B4GALT2: variants seen among roughly 807,000 people sequenced by gnomAD.
The protein encoded by B4GALT2 is beta-1,4-galactosyltransferase 2.
B4GALT2 carries 18 observed loss-of-function variants against 33.2 expected under a neutral mutation model. That is an observed-to-expected ratio of 0.54 (90% CI 0.38 to 0.80). The LOEUF is 0.80. Among genes scored for constraint, B4GALT2 ranks in the 30% least tolerant of loss-of-function variants. The probability of loss-of-function intolerance (pLI) is 0.00; values close to 1 mark genes in which losing one functional copy is unlikely to be tolerated. For synonymous variants in B4GALT2, 214 were observed against 217.6 expected, an observed-to-expected ratio of 0.98 and a Z score of 0.15; for missense variants, 404 against 526.2, an observed-to-expected ratio of 0.77 and a Z score of 2.27.
intron 3 of B4GALT2, among the ~76,000 whole-genome samples, chr1:43,983,120 C>G (rs951666147): frequency 6.6e-6 from 1 of 152,060 alleles, no homozygotes; most frequent in Non-Finnish European, 1.5e-5. Flanking sequence ...TCCTTTCTTG[C>G]GTGTGATGAG....
chr1:43,981,985 G>C lies in B4GALT2; in HGVS notation c.549+61G>C, dbSNP rs549805474. The C allele has an allele frequency of 6.5e-7, 1 of 1,534,798 alleles. No individual in the cohort carries two copies. The highest frequency in any genetic ancestry group is 1.4e-5 in the African/African-American group (1 of 73,174). Reference sequence around the variant, plus strand: ...TATATGTGGGTTGGGGGCGTTTGTGGGTCCTTGTCTGCCCGTGTGGATATG... The same window carrying C: ...TATATGTGGGTTGGGGGCGTTTGTGCGTCCTTGTCTGCCCGTGTGGATATG... On this transcript the variant is annotated intron_variant, in intron 3 of 6. Coordinates refer to ENST00000372324, the MANE Select transcript of B4GALT2 (RefSeq NM_003780.5). This position sits in a 1 kb window ranked among gnomAD's most constrained non-coding sequence, Gnocchi z 8.1.
chr1:43,984,762 C>G lies in B4GALT2; in HGVS notation c.550-103C>G. 1 of 1,231,074 alleles carries G rather than the reference C, an allele frequency of 8.1e-7. No individual in the cohort carries two copies. Among genetic ancestry groups the G allele is most frequent in the African/African-American group, 1.5e-5 (1 of 66,554 alleles). 76.3% of individuals were successfully genotyped at this position (1,231,074 alleles called of 1,614,324 possible). On this transcript the variant is annotated intron_variant, in intron 3 of 6. Transcript: ENST00000372324. The surrounding 1 kb of genome is among the most constrained non-coding windows in gnomAD (Gnocchi z 5.6). ...CTGAGAGCCTGGAGGAGCCATGCAGCGAGGGGGCTGGTAGATCCCCAGAGA... is the reference window on the plus strand; with the variant it reads ...CTGAGAGCCTGGAGGAGCCATGCAGGGAGGGGGCTGGTAGATCCCCAGAGA...
Position 43,981,480 on chromosome 1 carries a change from C to T in B4GALT2, c.313+7C>T, listed in dbSNP as rs745454373. Reference sequence around the variant, plus strand: ...GACTCGCCACCTGGTCTTGGTGAGCCTGGAGGGTAGGGCCTGCCTGTGGGG... The same window carrying T: ...GACTCGCCACCTGGTCTTGGTGAGCTTGGAGGGTAGGGCCTGCCTGTGGGG... On this transcript the variant is annotated splice_region_variant and intron_variant, in intron 2 of 6. Transcript: ENST00000372324. The surrounding 1 kb of genome is among the most constrained non-coding windows in gnomAD (Gnocchi z 8.1). 3 of 1,568,826 alleles carry T rather than the reference C, an allele frequency of 1.9e-6. No individual in the cohort carries two copies. The highest frequency in any genetic ancestry group is 2.6e-6 in the Non-Finnish European group (3 of 1,161,182).
chr1:43,985,436 G>A (rs535592648), intron 5 of B4GALT2, 36 bp downstream of exon 5: 79 of 773,508 alleles, frequency 1.0e-4, no homozygotes, highest in African/African-American at 6.8e-4. Context: ...GGCTGGGTGG[G>A]GGGGGGAGGG....
chr1:43,985,112 C>T (rs1225137274), intron 4 of B4GALT2, 57 bp downstream of exon 4: 5 of 1,594,838 alleles, frequency 3.1e-6, no homozygotes, highest in Admixed American at 1.7e-5. Flanking sequence ...GACGCAGGCC[C>T]ACTTCCAGCC....
At chr1:43,985,167 G>A (rs372929604) in intron 4 of B4GALT2, 111 bp from the exon 5 acceptor site, 668 of 1,563,644 alleles carry the variant, frequency 4.3e-4, no homozygotes, top group African/African-American at 2.5e-3. Context: ...CCCCACTGGC[G>A]AGGCTGGATC....
Position 43,985,065 on chromosome 1 carries a change from C to T in B4GALT2, c.740+10C>T, listed in dbSNP as rs2231283. ...ACAAGTTTGGCTTCCGGTGAGGGCT[C>T]TCTTCTCAGCTGGACCCAGCCCTCC... On this transcript the variant is annotated intron_variant, in intron 4 of 6. Transcript: ENST00000372324. 2.5e-6 allele frequency: 4 copies of T among 1,612,112 alleles called. No homozygotes were observed. The Admixed American group carries it at 6.7e-5, about 27-fold the overall frequency.
Position 43,984,611 on chromosome 1 carries a change from C to T in B4GALT2, c.550-254C>T, listed in dbSNP as rs559873298. Among the ~76,000 whole-genome samples, 7 of 152,316 alleles carry T rather than the reference C, an allele frequency of 4.6e-5. No homozygotes were observed. Among genetic ancestry groups the T allele is most frequent in the South Asian group, 2.1e-4 (1 of 4,832 alleles). On this transcript the variant is annotated intron_variant, in intron 3 of 6. Coordinates refer to ENST00000372324, the MANE Select transcript of B4GALT2 (RefSeq NM_003780.5). This position sits in a 1 kb window ranked among gnomAD's most constrained non-coding sequence, Gnocchi z 5.6. The stretch of plus-strand genomic sequence containing the variant: ...AGGCAAGGAAGAGTCTGGCATATTC[C>T]GGGGCTGCTGAGGGATGTTGTGTGG...
chr1:43,985,280 T>C lies in B4GALT2; in HGVS notation c.743T>C (p.Leu248Pro). 1 of 1,611,146 alleles carries C rather than the reference T, an allele frequency of 6.2e-7. No individual in the cohort carries two copies. Among genetic ancestry groups the C allele is most frequent in the Non-Finnish European group, 8.5e-7 (1 of 1,178,374 alleles). The stretch of plus-strand genomic sequence containing the variant: ...ACACCTGCCTTCCCATGCCACAGGC[T>C]TCCCTATGCTGGCTACTTTGGAGGT... ...AIAMDKFGFR[L>P]PYAGYFGGVS... The change falls in exon 5 of 7, where the codon CTT becomes CCT. Residue 248 changes from leucine (L) to proline (P), a missense_variant and splice_region_variant. Physicochemically the swap from Leu to Pro is moderately conservative, Grantham distance 98 (BLOSUM62 -3). Coordinates refer to ENST00000372324, the MANE Select transcript of B4GALT2 (RefSeq NM_003780.5).
chr1:43,982,057 G>A lies in B4GALT2; in HGVS notation c.549+133G>A, dbSNP rs1296583583. 1.2e-6 allele frequency: 1 copy of A among 838,360 alleles called. No homozygotes were observed. Among genetic ancestry groups the A allele is most frequent in the East Asian group, 2.7e-5 (1 of 37,620 alleles). 51.9% of individuals were successfully genotyped at this position (838,360 alleles called of 1,614,324 possible). On this transcript the variant is annotated intron_variant, in intron 3 of 6. Transcript: ENST00000372324. The surrounding 1 kb of genome is among the most constrained non-coding windows in gnomAD (Gnocchi z 4.3). ...AGTCGGTGTTTGTCAGTGTGCACAG[G>A]AATGTGTACGCACAGTGTGTGCATG...
intron 1 of B4GALT2, chr1:43,980,078 C>T: frequency 6.8e-7 from 1 of 1,470,634 alleles, no homozygotes; most frequent in Non-Finnish European, 9.0e-7. Flanking sequence ...TTACTGTCAC[C>T]CGGGTGTGTC....
intron 6 of B4GALT2, among the ~76,000 whole-genome samples, chr1:43,986,372 G>A (rs1175149077): frequency 6.6e-6 from 1 of 152,206 alleles, no homozygotes; most frequent in Non-Finnish European, 1.5e-5. Flanking sequence ...AAGAGGGACT[G>A]GTGATGGAAG....
In B4GALT2 at chr1:43,990,380, C is replaced by T. The variant is rs1312790665; in HGVS notation, c.1051C>T (p.Arg351Trp). 3.1e-6 allele frequency: 5 copies of T among 1,614,148 alleles called. No individual in the cohort carries two copies. The highest frequency in any genetic ancestry group is 2.5e-6 in the Non-Finnish European group (3 of 1,180,028). ...SVRYQVLEVS[R>W]QPLFTNITVD... is the part of the protein sequence containing the mutation. ...GCGGTACCAGGTCTTGGAGGTGTCTCGGCAACCACTCTTCACCAATATCAC... is the reference window on the plus strand; with the variant it reads ...GCGGTACCAGGTCTTGGAGGTGTCTTGGCAACCACTCTTCACCAATATCAC... Residue 351 changes from arginine (R) to tryptophan (W), a missense_variant, in exon 7 of 7, where the codon CGG becomes TGG. Transcript: ENST00000372324.
intron 1 of B4GALT2, chr1:43,980,732 T>A: frequency 2.5e-6 from 1 of 402,268 alleles, no homozygotes; most frequent in Non-Finnish European, 3.8e-6. Context: ...GGTCTATAGG[T>A]AAACATGTCT....
At position 43,981,291 on chromosome 1, in the gene B4GALT2, G is replaced by A. The variant is rs762532434; in HGVS notation, c.131G>A (p.Arg44His). 37 of 1,605,436 alleles carry A rather than the reference G, an allele frequency of 2.3e-5. No individual in the cohort carries two copies. In the South Asian group the frequency reaches 3.1e-4, roughly 13 times the overall value. ...GCCCAGCACCTGGCCTTCTTCAGCC[G>A]CTTCAGTGCCCGAGGCCCTGCCCAT... ...VYAQHLAFFS[R>H]FSARGPAHAL... The change falls in exon 2 of 7, where the codon CGC becomes CAC. Residue 44 changes from arginine to histidine, a missense_variant. Coordinates refer to ENST00000372324, the MANE Select transcript of B4GALT2 (RefSeq NM_003780.5). This position sits in a 1 kb window ranked among gnomAD's most constrained non-coding sequence, Gnocchi z 8.1.
intron 6 of B4GALT2, among the ~76,000 whole-genome samples, chr1:43,986,507 A>G (rs983771817): frequency 6.6e-6 from 1 of 152,212 alleles, no homozygotes; most frequent in African/African-American, 2.4e-5. Context: ...GCCAGCCTGG[A>G]TAAGGAGAAT....
At chr1:43,988,410 C>T (rs1571809438) in intron 6 of B4GALT2, among the ~76,000 whole-genome samples, 1 of 150,966 alleles carries the variant, frequency 6.6e-6, no homozygotes, top group African/African-American at 2.4e-5. Context: ...GTAATCCCTG[C>T]ACTTTGGGAG....
intron 6 of B4GALT2, among the ~76,000 whole-genome samples, chr1:43,988,806 C>CACT (rs1278248443): frequency 7.2e-6 from 1 of 139,066 alleles, no homozygotes; most frequent in African/African-American, 2.7e-5. Context: ...GAGACCGCGC[C>CACT]ACTATATTCC....
chr1:43,980,210 G>A (rs1233731717), intron 1 of B4GALT2: 8 of 771,612 alleles, frequency 1.0e-5, no homozygotes, highest in Non-Finnish European at 1.5e-5. Flanking sequence ...AGTGGCTGCC[G>A]CTCTCTTGGA....
Sources: allele counts gnomAD v4.1 joint callset (sites outside exome capture counted in the v4.1 genomes callset), GRCh38; gene constraint gnomAD v4.1.1; non-coding constraint Gnocchi (gnomAD v3.1); transcripts MANE v1.5; gene names NCBI Gene and HGNC (gene_info 2026-07-23, HGNC 2026-07-21).